RELCH: variants seen among roughly 807,000 people sequenced by gnomAD.
RELCH encodes the protein RAB11 binding and LisH domain, coiled-coil and HEAT repeat containing.
RELCH carries 41 observed loss-of-function variants against 150.3 expected under a neutral mutation model. The observed-to-expected ratio is 0.27, with a 90% CI of 0.21 to 0.35. The LOEUF (loss-of-function observed/expected upper bound fraction) is 0.35, where lower values mean the gene tolerates loss of function less well. RELCH is among the 10% of genes least tolerant of loss of function. RELCH has a pLI of 1.00. For synonymous variants in RELCH, 478 were observed against 531.8 expected (o/e 0.90, Z 1.39); for missense variants, 1,092 against 1,467.8 (o/e 0.74, Z 4.18).
At chr18:62,238,810 T>C (rs2148469783) in intron 10 of RELCH, among the ~76,000 whole-genome samples, 1 of 152,188 alleles carries the variant, frequency 6.6e-6, no homozygotes, top group Admixed American at 6.6e-5. Context: ...TTTATGAAGA[T>C]GAAACATATC....
At chr18:62,271,182 G>A (rs867198629) in intron 20 of RELCH, among the ~76,000 whole-genome samples, 22 of 152,292 alleles carry the variant, frequency 1.4e-4, no homozygotes, top group African/African-American at 4.3e-4. Context: ...CTTCCACAAT[G>A]GTTGAACTAG....
intron 24 of RELCH, among the ~76,000 whole-genome samples, chr18:62,281,274 G>A (rs190119168): frequency 8.5e-5 from 13 of 152,308 alleles, no homozygotes; most frequent in African/African-American, 3.1e-4. Context: ...TGCCAGTGTT[G>A]CACAGATTTG....
intron 5 of RELCH, among the ~76,000 whole-genome samples, chr18:62,223,110 A>G (rs1009033630): frequency 1.3e-5 from 2 of 152,044 alleles, no homozygotes; most frequent in African/African-American, 2.4e-5. Context: ...AGTAAGTAGA[A>G]GAAAGGAAAT....
intron 16 of RELCH, 73 bp downstream of exon 16, chr18:62,261,731 T>A: frequency 7.5e-7 from 1 of 1,332,506 alleles, no homozygotes; most frequent in Non-Finnish European, 1.0e-6. Flanking sequence ...TGTTTTTTAT[T>A]AAAAGTCTAA....
chr18:62,242,058 A>C (rs1408468290), intron 10 of RELCH, among the ~76,000 whole-genome samples: 2 of 152,102 alleles, frequency 1.3e-5, no homozygotes, highest in Non-Finnish European at 2.9e-5. Flanking sequence ...TTCCTCACTT[A>C]CTGGACCTCT....
chr18:62,195,669 A>C (rs139034129), intron 1 of RELCH, among the ~76,000 whole-genome samples: 1 of 151,092 alleles, frequency 6.6e-6, no homozygotes, highest in Non-Finnish European at 1.5e-5. Flanking sequence ...TTCACCTATG[A>C]GCTTGCAGCC....
rs1347629853 is a variant in RELCH at position 62,274,147 on chromosome 18, A to C, written c.2867+61A>C. On this transcript the variant is annotated intron_variant, in intron 21 of 28. Transcript: ENST00000644646. ...TATAAAGTTTTTAGATTGGATTTATAGAGTACATATTTTAAGTCTAAAAGA... is the reference window on the plus strand; with the variant it reads ...TATAAAGTTTTTAGATTGGATTTATCGAGTACATATTTTAAGTCTAAAAGA... 3 of 1,039,856 alleles carry C rather than the reference A, an allele frequency of 2.9e-6. No homozygotes were observed. The Admixed American group carries it at 5.8e-5, about 20-fold the overall frequency. The allele number at this position is 1,039,856 out of a possible 1,614,324, so 64.4% of individuals were successfully genotyped here.
intron 17 of RELCH, 120 bp from the exon 18 acceptor site, chr18:62,264,609 G>T: frequency 1.4e-6 from 1 of 724,238 alleles, no homozygotes; most frequent in South Asian, 1.9e-5. Flanking sequence ...CCCAGACAAT[G>T]CCTTTCCTTT....
At chr18:62,246,591 A>C (rs2042426507) in intron 11 of RELCH, 1 of 152,178 alleles carries the variant, frequency 6.6e-6, no homozygotes, top group South Asian at 2.1e-4. Context: ...GGCCTGAGAA[A>C]ATTTTCTGTT....
intron 25 of RELCH, among the ~76,000 whole-genome samples, 168 bp downstream of exon 25, chr18:62,282,612 C>G (rs17069719): frequency 0.017 from 2,597 of 152,182 alleles, 85 homozygotes; most frequent in East Asian, 0.13. Flanking sequence ...AAACATGAAA[C>G]AAGTTAGTTA....
intron 2 of RELCH, among the ~76,000 whole-genome samples, chr18:62,217,009 A>T (rs1226247103): frequency 1.3e-5 from 2 of 152,062 alleles, no homozygotes; most frequent in Non-Finnish European, 2.9e-5. Context: ...GAAGATAAAT[A>T]GCATTTTGAA....
At chr18:62,217,093 G>C (rs2040523395) in intron 2 of RELCH, among the ~76,000 whole-genome samples, 1 of 151,980 alleles carries the variant, frequency 6.6e-6, no homozygotes. Context: ...CATCATTGTG[G>C]TGGGTGGTTA....
At chr18:62,237,686 A>G (rs1222324866) in intron 10 of RELCH, among the ~76,000 whole-genome samples, 1 of 151,850 alleles carries the variant, frequency 6.6e-6, no homozygotes, top group Non-Finnish European at 1.5e-5. Flanking sequence ...AACATAAAGT[A>G]AAGACAAGCA....
At chr18:62,188,098 GA>G in intron 1 of RELCH, 67 bp downstream of exon 1, 1 of 1,443,910 alleles carries the variant, frequency 6.9e-7, no homozygotes, top group Non-Finnish European at 9.1e-7. Flanking sequence ...CTGTAGGGGA[GA>G]GGGGGTATTT....
intron 24 of RELCH, among the ~76,000 whole-genome samples, chr18:62,281,729 A>T (rs1600224055): frequency 6.6e-6 from 1 of 152,354 alleles, no homozygotes; most frequent in East Asian, 1.9e-4. Flanking sequence ...ATTTTTCATG[A>T]CAAAAACTAA....
intron 24 of RELCH, among the ~76,000 whole-genome samples, chr18:62,281,383 T>A (rs541437298): frequency 6.6e-6 from 1 of 152,228 alleles, no homozygotes; most frequent in Non-Finnish European, 1.5e-5. Flanking sequence ...GTGTCATTGG[T>A]ATGAAGCTGT....
intron 2 of RELCH, among the ~76,000 whole-genome samples, chr18:62,217,649 G>C (rs1387151282): frequency 1.3e-5 from 2 of 151,980 alleles, no homozygotes; most frequent in East Asian, 3.8e-4. Context: ...AGATAACTGG[G>C]TAGGTCGGTG....
chr18:62,234,467 T>C (rs1336383648), intron 10 of RELCH, among the ~76,000 whole-genome samples: 1 of 151,874 alleles, frequency 6.6e-6, no homozygotes, highest in African/African-American at 2.4e-5. Flanking sequence ...AGGATTAATA[T>C]TTTGACTTCT....
Position 62,219,515 on chromosome 18 carries a change from A to C in RELCH, c.617-1522A>C, listed in dbSNP as rs1055126416. Among the ~76,000 whole-genome samples, 16 of 150,670 alleles carry C rather than the reference A, an allele frequency of 1.1e-4. No homozygotes were observed. The East Asian group carries it at 2.7e-3, about 26-fold the overall frequency. On this transcript the variant is annotated intron_variant, in intron 2 of 28. Coordinates refer to ENST00000644646, the MANE Select transcript of RELCH (RefSeq NM_001346231.2). ...TTTTAAAATGTAAAAAAAAAAAAAA[A>C]GTAAACCAACATGCTGTGTAAACCT... is the stretch of plus-strand genomic sequence containing the variant.
Sources: gnomAD v4.1 joint callset for allele counts (sites outside exome capture counted in the v4.1 genomes callset) on GRCh38, gnomAD v4.1.1 for gene constraint, MANE v1.5 for transcripts, NCBI Gene and HGNC (gene_info 2026-07-23, HGNC 2026-07-21) for gene names.